Variants in MTOR observed in about 807,000 individuals in gnomAD.
MTOR encodes mechanistic target of rapamycin kinase, also known as serine/threonine-protein kinase mTOR.
Under a neutral mutation model 319.8 loss-of-function variants are expected in MTOR, and 70 were observed. The ratio of observed to expected loss-of-function variants is 0.22; its 90% CI spans 0.18 to 0.27. The LOEUF (loss-of-function observed/expected upper bound fraction) is 0.27. MTOR is among the 10% of genes least tolerant of loss of function. MTOR has a pLI of 1.00. For missense variants in MTOR, 1,890 were observed against 3,274.4 expected (o/e 0.58, Z 10.32); for synonymous variants, 1,183 against 1,211.4 (o/e 0.98, Z 0.49).
At position 11,146,701 on chromosome 1, in the gene MTOR, T is replaced by C; in HGVS notation, c.4661A>G (p.Gln1554Arg). 1 of 1,614,152 alleles carries C rather than the reference T, an allele frequency of 6.2e-7. No individual in the cohort carries two copies. ...AFYRAVLALH[Q>R]DLFSLAQQCI... is the part of the protein sequence containing the mutation. ...CTGTTGTGCCAAGGAGAAGAGGTCC[T>C]GATGCAGTGCCAGCACAGCTCTATA... The change falls in exon 32 of 58, where the codon CAG (glutamine) becomes CGG (arginine). Residue 1554 changes from glutamine (Q) to arginine (R), a missense_variant. Gln to Arg is a conservative substitution (Grantham distance 43, BLOSUM62 1). Coordinates refer to ENST00000361445, the MANE Select transcript of MTOR (RefSeq NM_004958.4).
chr1:11,256,432 G>T (rs915102922), intron 4 of MTOR: 1 of 636,814 alleles, frequency 1.6e-6, no homozygotes, highest in African/African-American at 2.0e-5. Context: ...ATAAGTTCTG[G>T]AAGTGCAGAT....
chr1:11,114,519 G>A lies in MTOR; in HGVS notation c.7165-66C>T, dbSNP rs1642061151. ...CTCTCCACCCAAAGCAAGCCGAGGG[G>A]GTCTGTTACCCTCACTTAGGAAGCA... On this transcript the variant is annotated intron_variant, in intron 52 of 57. Coordinates refer to ENST00000361445, the MANE Select transcript of MTOR (RefSeq NM_004958.4). 5.0e-6 allele frequency: 8 copies of A among 1,600,390 alleles called. No homozygotes were observed. In the Admixed American group the frequency reaches 1.3e-4, roughly 27 times the overall value.
In MTOR at chr1:11,174,462, C is replaced by T. The variant is rs539700764; in HGVS notation, c.4254-6945G>A. Among the ~76,000 whole-genome samples, 35 of 152,300 alleles carry T rather than the reference C, an allele frequency of 2.3e-4. 1 individual carries two copies. The highest frequency in any genetic ancestry group is 3.4e-3 in the Middle Eastern group (1 of 294). On this transcript the variant is annotated intron_variant, in intron 28 of 57. Transcript: ENST00000361445. Reference sequence around the variant, plus strand: ...CTACTAATATGCCTCCAGCCTTCCACGTGACAAGTCAGCATGCCATCACAG... The same window carrying T: ...CTACTAATATGCCTCCAGCCTTCCATGTGACAAGTCAGCATGCCATCACAG...
chr1:11,238,653 C>A, intron 11 of MTOR, 36 bp from the exon 12 acceptor site: 1 of 1,559,536 alleles, frequency 6.4e-7, no homozygotes, highest in Non-Finnish European at 8.7e-7. Flanking sequence ...AGAATAAACA[C>A]TGCTGCTGTA....
intron 46 of MTOR, among the ~76,000 whole-genome samples, chr1:11,125,640 G>A (rs1348467717): frequency 6.6e-6 from 1 of 151,108 alleles, no homozygotes; most frequent in African/African-American, 2.4e-5. Context: ...TGAGGCACGA[G>A]AATCGCTTGA....
At chr1:11,245,825 G>T (rs1648736257) in intron 8 of MTOR, among the ~76,000 whole-genome samples, 1 of 152,046 alleles carries the variant, frequency 6.6e-6, no homozygotes, top group South Asian at 2.1e-4. Context: ...TGAGAGGATC[G>T]CTTGAGCTCA....
chr1:11,256,561 A>C (rs1650427700), intron 4 of MTOR, among the ~76,000 whole-genome samples: 1 of 152,138 alleles, frequency 6.6e-6, no homozygotes, highest in South Asian at 2.1e-4. Context: ...TCCTGTTGTT[A>C]TTTTTATTTG....
rs2100401958 is a variant in MTOR, at chr1:11,127,084, T to C, written c.6277A>G (p.Asn2093Asp). The change falls in exon 45 of 58, where the codon AAT (asparagine) becomes GAT (aspartate). Residue 2093 changes from asparagine to aspartate, a missense_variant. Physicochemically the swap from Asn to Asp is conservative, Grantham distance 23 (BLOSUM62 1). Around this residue, in one of 15 missense-constraint regions of MTOR, gnomAD observed 249 missense variants for 596.2 expected, o/e 0.42. Coordinates refer to ENST00000361445, the MANE Select transcript of MTOR (RefSeq NM_004958.4). The surrounding 1 kb of genome is among the most constrained non-coding windows in gnomAD (Gnocchi z 5.5). ...EWCRKYMKSG[N>D]VKDLTQAWDL... ...CAGGCTTGGGTGAGGTCCTTGACAT[T>C]CCCTGATTTCATGTACTTCCTGCAC... The C allele has an allele frequency of 1.2e-6, 2 of 1,614,170 alleles. No individual in the cohort carries two copies. Among genetic ancestry groups the C allele is most frequent in the East Asian group, 2.2e-5 (1 of 44,892 alleles).
intron 28 of MTOR, among the ~76,000 whole-genome samples, chr1:11,196,166 T>C (rs978793742): frequency 6.6e-6 from 1 of 152,122 alleles, no homozygotes; most frequent in Non-Finnish European, 1.5e-5. Context: ...CAATTCTTCA[T>C]AAAGGGGATT....
At chr1:11,134,518 G>A (rs766787301) in intron 36 of MTOR, 52 bp from the exon 37 acceptor site, 15 of 1,507,082 alleles carry the variant, frequency 1.0e-5, no homozygotes, top group South Asian at 2.3e-5. Context: ...CCCAGCTTCA[G>A]AGGAAGGGAG....
Position 11,115,575 on chromosome 1 carries a change from C to A in MTOR, c.7017-107G>T. On this transcript the variant is annotated intron_variant, in intron 50 of 57. Transcript: ENST00000361445. This position sits in a 1 kb window ranked among gnomAD's most constrained non-coding sequence, Gnocchi z 4.5. ...CTAGGAGTTGGCAAACGATAGCCCT[C>A]AGCCAATCCAGCCCCTCCACCTCCA... The A allele has an allele frequency of 1.1e-6, 1 of 935,956 alleles. No homozygotes were observed. Among genetic ancestry groups the A allele is most frequent in the Non-Finnish European group, 1.7e-6 (1 of 582,472 alleles). The allele number at this position is 935,956 out of a possible 1,614,324, so 58.0% of individuals were successfully genotyped here.
intron 19 of MTOR, among the ~76,000 whole-genome samples, chr1:11,216,501 C>T (rs945580114): frequency 2.6e-5 from 4 of 151,940 alleles, no homozygotes; most frequent in Admixed American, 6.6e-5. Flanking sequence ...AAAAAAAATA[C>T]AAAAAATTAG....
Position 11,115,382 on chromosome 1 carries a change from G to C in MTOR, c.7089+14C>G. ...CCGGGAAGATGAGGTTGGGGTTCTA[G>C]AACATGTGTTCACCTCAAAGCAGTC... is the stretch of plus-strand genomic sequence containing the variant. On this transcript the variant is annotated intron_variant, in intron 51 of 57. Coordinates refer to ENST00000361445, the MANE Select transcript of MTOR (RefSeq NM_004958.4). The surrounding 1 kb of genome is among the most constrained non-coding windows in gnomAD (Gnocchi z 4.5). The C allele has an allele frequency of 1.2e-6, 2 of 1,613,386 alleles. No individual in the cohort carries two copies. Among genetic ancestry groups the C allele is most frequent in the Non-Finnish European group, 1.7e-6 (2 of 1,179,330 alleles).
intron 28 of MTOR, among the ~76,000 whole-genome samples, chr1:11,181,926 T>A (rs958348853): frequency 2.0e-5 from 3 of 152,118 alleles, no homozygotes; most frequent in Admixed American, 6.5e-5. Context: ...CACAAAAAAG[T>A]ACAAACCGAG....
intron 31 of MTOR, chr1:11,149,506 C>T (rs1644060737): frequency 6.6e-6 from 1 of 152,350 alleles, no homozygotes; most frequent in Non-Finnish European, 1.5e-5. Flanking sequence ...CTGTTCACCT[C>T]TATCTTTTAT....
At chr1:11,224,038 C>CAAAATAAAATAAAATAAAATAAAAT (rs370686856) in intron 19 of MTOR, among the ~76,000 whole-genome samples, 3 of 143,372 alleles carry the variant, frequency 2.1e-5, no homozygotes, top group South Asian at 2.2e-4. Flanking sequence ...TACTCCGTCT[C>CAAAATAAAATAAAATAAAATAAAAT]AAAATAAAAT....
At chr1:11,237,181 A>AAT (rs1647320829) in intron 13 of MTOR, among the ~76,000 whole-genome samples, 1 of 152,148 alleles carries the variant, frequency 6.6e-6, no homozygotes, top group African/African-American at 2.4e-5. Flanking sequence ...GGCAGGTGGA[A>AAT]ATAACTTCAC....
chr1:11,132,921 C>T (rs1037513609), intron 38 of MTOR, 159 bp downstream of exon 38: 47 of 639,792 alleles, frequency 7.3e-5, no homozygotes, highest in Middle Eastern at 8.9e-4. Context: ...GGGGGAAATG[C>T]AGGCTCCCTG....
intron 24 of MTOR, among the ~76,000 whole-genome samples, chr1:11,210,305 T>C (rs965164824): frequency 6.6e-6 from 1 of 152,194 alleles, no homozygotes; most frequent in Non-Finnish European, 1.5e-5. Context: ...CCCGCCATCA[T>C]GACCAGCTAA....
Sources: gnomAD v4.1 joint callset for allele counts (sites outside exome capture counted in the v4.1 genomes callset) on GRCh38, gnomAD v4.1.1 for gene constraint, gnomAD v4.1.1 regional missense constraint, Gnocchi (gnomAD v3.1) non-coding constraint, MANE v1.5 for transcripts, NCBI Gene and HGNC (gene_info 2026-07-23, HGNC 2026-07-21) for gene names.